The following ADGRL2 variants were observed in gnomAD, a reference collection of about 807,000 sequenced individuals.
ADGRL2 encodes the protein calcium-independent alpha-latrotoxin receptor 2.
A neutral mutation model predicts 157.4 loss-of-function variants in ADGRL2; 44 were observed. The observed-to-expected ratio is 0.28, with a 90% CI of 0.22 to 0.36. The LOEUF (loss-of-function observed/expected upper bound fraction) is 0.36. Among genes scored for constraint, ADGRL2 ranks in the 10% least tolerant of loss-of-function variants. The pLI is 1.00. For synonymous variants in ADGRL2, 585 were observed against 624.7 expected, an observed-to-expected ratio of 0.94 and a Z score of 0.95; for missense variants, 1,510 against 1,768.9, an observed-to-expected ratio of 0.85 and a Z score of 2.63.
At chr1:81,321,031 A>G (rs1660465543) in intron 1 of ADGRL2, among the ~76,000 whole-genome samples, 1 of 152,212 alleles carries the variant, frequency 6.6e-6, no homozygotes, top group African/African-American at 2.4e-5. Flanking sequence ...ACCTTCATCA[A>G]CTAACTTAGC....
intron 3 of ADGRL2, among the ~76,000 whole-genome samples, chr1:81,642,883 T>G (rs2082247534): frequency 6.6e-6 from 1 of 152,144 alleles, no homozygotes; most frequent in African/African-American, 2.4e-5. Flanking sequence ...TCACCACCAA[T>G]TTGTTGTAAA....
At chr1:81,811,194 C>T (rs2089831707) in intron 1 of ADGRL2, among the ~76,000 whole-genome samples, 1 of 151,818 alleles carries the variant, frequency 6.6e-6, no homozygotes, top group African/African-American at 2.4e-5. Context: ...GTTCCTCTTA[C>T]CTCATTTGTT....
At chr1:81,626,767 T>C (rs2081919984) in intron 3 of ADGRL2, among the ~76,000 whole-genome samples, 1 of 152,230 alleles carries the variant, frequency 6.6e-6, no homozygotes, top group South Asian at 2.1e-4. Flanking sequence ...TCTACTTCAG[T>C]CCTTTGACCA....
chr1:81,667,452 A>G (rs2082774566), intron 3 of ADGRL2, among the ~76,000 whole-genome samples: 1 of 152,238 alleles, frequency 6.6e-6, no homozygotes. Flanking sequence ...GCATAAAATG[A>G]ACATTTTGTA....
At chr1:81,578,674 A>AT (rs1214934797) in intron 2 of ADGRL2, among the ~76,000 whole-genome samples, 1 of 152,094 alleles carries the variant, frequency 6.6e-6, no homozygotes, top group Admixed American at 6.6e-5. Flanking sequence ...ATTTAAAAAA[A>AT]TTTTTTTGAG....
At chr1:81,569,884 T>C (rs915715190) in intron 2 of ADGRL2, among the ~76,000 whole-genome samples, 2 of 152,146 alleles carry the variant, frequency 1.3e-5, no homozygotes, top group African/African-American at 4.8e-5. Context: ...ATCTAAAGGT[T>C]TGACTGGGGC....
intron 1 of ADGRL2, among the ~76,000 whole-genome samples, chr1:81,420,972 T>G (rs2077114075): frequency 6.6e-6 from 1 of 152,204 alleles, no homozygotes; most frequent in Admixed American, 6.5e-5. Flanking sequence ...TTAACCATCA[T>G]GCAGTGAAAC....
chr1:81,803,722 C>A lies in ADGRL2; in HGVS notation c.-101+2654C>A, dbSNP rs1364449210. ...GCTACCAACCATATGGTTCCCGTTACAAAGGCCAGGTTCTAAGGCACTCTC... is the reference window on the plus strand; with the variant it reads ...GCTACCAACCATATGGTTCCCGTTAAAAAGGCCAGGTTCTAAGGCACTCTC... On this transcript the variant is annotated intron_variant, in intron 1 of 23. Coordinates refer to ENST00000686636, the MANE Select transcript of ADGRL2 (RefSeq NM_001366006.2). Among the ~76,000 whole-genome samples the A allele has an allele frequency of 2.0e-5, 3 of 152,194 alleles. No individual in the cohort carries two copies. In the East Asian group the frequency reaches 5.8e-4, roughly 30 times the overall value.
intron 1 of ADGRL2, among the ~76,000 whole-genome samples, chr1:81,349,631 T>TAC (rs36213279): frequency 0.049 from 7,002 of 142,716 alleles, 174 homozygotes; most frequent in Middle Eastern, 0.082. Flanking sequence ...TGTTGTGAGC[T>TAC]ACACACACAC....
chr1:81,779,378 A>G (rs911323172), intron 2 of ADGRL2, among the ~76,000 whole-genome samples: 1 of 107,046 alleles, frequency 9.3e-6, no homozygotes, highest in Non-Finnish European at 2.2e-5. Context: ...ATAAAAGAAT[A>G]AAGATGCTTT....
intron 3 of ADGRL2, among the ~76,000 whole-genome samples, chr1:81,680,222 A>G (rs924634473): frequency 2.6e-5 from 4 of 152,180 alleles, no homozygotes; most frequent in Admixed American, 1.3e-4. Context: ...GAATTGCTCA[A>G]TCTCAGGGGG....
intron 1 of ADGRL2, among the ~76,000 whole-genome samples, chr1:81,703,314 A>G (rs1369081035): frequency 1.3e-5 from 2 of 152,172 alleles, no homozygotes; most frequent in Non-Finnish European, 2.9e-5. Flanking sequence ...AGAAGGGAAG[A>G]AATTAGTGGA....
At chr1:81,397,313 C>CTTTTTTTTTTTTTTT (rs59449077) in intron 1 of ADGRL2, among the ~76,000 whole-genome samples, 7 of 53,642 alleles carry the variant, frequency 1.3e-4, no homozygotes, top group East Asian at 6.5e-4. Flanking sequence ...ATAATGTCTC[C>CTTTTTTTTTTTTTTT]TTTTTTTTTT....
intron 3 of ADGRL2, among the ~76,000 whole-genome samples, chr1:81,935,533 C>T (rs2095298223): frequency 6.6e-6 from 1 of 151,902 alleles, no homozygotes; most frequent in Non-Finnish European, 1.5e-5. Flanking sequence ...GATTCACCTT[C>T]TACTGCCCTT....
intron 1 of ADGRL2, among the ~76,000 whole-genome samples, chr1:81,714,827 C>G (rs1039510266): frequency 1.3e-5 from 2 of 150,904 alleles, no homozygotes; most frequent in African/African-American, 4.9e-5. Flanking sequence ...CACATTGATT[C>G]AAGTACAGGT....
chr1:81,820,103 A>G (rs1279314461), intron 1 of ADGRL2, among the ~76,000 whole-genome samples: 1 of 152,206 alleles, frequency 6.6e-6, no homozygotes, highest in East Asian at 1.9e-4. Context: ...TATAGCTGAT[A>G]CTTTGTATCA....
chr1:81,763,020 T>C (rs9727540), intron 2 of ADGRL2, among the ~76,000 whole-genome samples: 43,143 of 134,316 alleles, frequency 0.32, 7,736 homozygotes, highest in East Asian at 0.78. Context: ...TGCACTCCAG[T>C]CTGGGTGACA....
At chr1:81,688,401 G>A (rs1037167644) in intron 3 of ADGRL2, among the ~76,000 whole-genome samples, 3 of 151,922 alleles carry the variant, frequency 2.0e-5, no homozygotes, top group Non-Finnish European at 4.4e-5. Context: ...GTTGGGTTGG[G>A]TTAATTCAAA....
chr1:81,490,020 T>TAAAG (rs113109596), intron 2 of ADGRL2, among the ~76,000 whole-genome samples: 66,109 of 151,738 alleles, frequency 0.44, 16,107 homozygotes, highest in African/African-American at 0.64. Context: ...TATGAAGAAA[T>TAAAG]ATCTCAATAA....
Sources: allele counts gnomAD v4.1 joint callset (sites outside exome capture counted in the v4.1 genomes callset), GRCh38; gene constraint gnomAD v4.1.1; transcripts MANE v1.5; gene names NCBI Gene and HGNC (gene_info 2026-07-23, HGNC 2026-07-21).